Variants in MRPL44 observed in about 807,000 individuals in gnomAD.
MRPL44 encodes the protein large ribosomal subunit protein mL44.
In MRPL44, 21 loss-of-function variants were observed where a neutral mutation model predicts 25.9. That is an observed-to-expected ratio of 0.81 (90% CI 0.58 to 1.17). The LOEUF (loss-of-function observed/expected upper bound fraction) is 1.17, where lower values mean the gene tolerates loss of function less well. MRPL44 is among the 50% of genes most tolerant of loss of function. The pLI, the probability that MRPL44 is intolerant of heterozygous loss-of-function variation, is 0.00. For synonymous variants in MRPL44, 169 were observed against 151.0 expected (o/e 1.12, Z -0.87); for missense variants, 410 against 398.9 (o/e 1.03, Z -0.24).
chr2:223,967,083 T>C lies in MRPL44; in HGVS notation c.*49T>C. ...AACTTGAGAGCGAAAGTGAGATAAA[T>C]GTCAAAGGTGTTTCAAGCCAGACAT... On this transcript the variant is annotated 3_prime_UTR_variant, in exon 4 of 4. Transcript: ENST00000258383. The C allele has an allele frequency of 6.7e-7, 1 of 1,501,858 alleles. No individual in the cohort carries two copies. The highest frequency in any genetic ancestry group is 9.0e-7 in the Non-Finnish European group (1 of 1,114,236). The allele number at this position is 1,501,858 out of a possible 1,614,324, so 93.0% of individuals were successfully genotyped here.
the MRPL44 span, among the ~76,000 whole-genome samples, chr2:223,951,823 C>T: frequency 1.3e-5 from 2 of 152,120 alleles, no homozygotes; most frequent in South Asian, 2.1e-4. Context: ...CCGCCATCAC[C>T]TCCTCTGACT....
chr2:223,959,382 A>G (rs1325522635), intron 1 of MRPL44, 152 bp from the exon 2 acceptor site: 7 of 629,490 alleles, frequency 1.1e-5, no homozygotes, highest in Non-Finnish European at 1.9e-5. Context: ...CTTTAGTCTT[A>G]ACATTTAGAA....
chr2:223,965,433 G>A (rs1336249317), intron 3 of MRPL44, among the ~76,000 whole-genome samples: 1 of 152,150 alleles, frequency 6.6e-6, no homozygotes, highest in Non-Finnish European at 1.5e-5. Flanking sequence ...ATCTGACTTA[G>A]TAAATGCAGT....
chr2:223,951,943 TCTTAC>T, the MRPL44 span, among the ~76,000 whole-genome samples: 1 of 152,252 alleles, frequency 6.6e-6, no homozygotes, highest in African/African-American at 2.4e-5. Flanking sequence ...TGTAATAAGT[TCTTAC>T]CTTTAACATT....
intron 2 of MRPL44, 148 bp downstream of exon 2, chr2:223,960,150 T>C (rs1689635647): frequency 1.6e-6 from 1 of 620,728 alleles, no homozygotes; most frequent in Non-Finnish European, 2.8e-6. Flanking sequence ...GGAAGGGCTG[T>C]AATTATTCCA....
intron 2 of MRPL44, among the ~76,000 whole-genome samples, chr2:223,961,291 A>G (rs1184960700): frequency 6.6e-6 from 1 of 152,242 alleles, no homozygotes; most frequent in Non-Finnish European, 1.5e-5. Context: ...TGTTTTGGGA[A>G]GACAGTGTCA....
At position 223,959,933 on chromosome 2, in the gene MRPL44, G is replaced by C. The variant is rs1483493828; in HGVS notation, c.579G>C (p.Gln193His). ...EFPVPPAVLQ[Q>H]TFFAVIGALL... is the part of the protein sequence containing the mutation. ...CAGTGCCCCCAGCTGTGTTACAGCA[G>C]ACTTTCTTTGCAGTTATTGGAGCCC... Residue 193 changes from glutamine (Q) to histidine (H), a missense_variant, in exon 2 of 4, where the codon CAG (glutamine) becomes CAC (histidine). Gln to His is a conservative substitution (Grantham distance 24). Coordinates refer to ENST00000258383, the MANE Select transcript of MRPL44 (RefSeq NM_022915.5). The C allele has an allele frequency of 6.2e-7, 1 of 1,614,218 alleles. No homozygotes were observed. Among genetic ancestry groups the C allele is most frequent in the South Asian group, 1.1e-5 (1 of 91,086 alleles).
rs761239081 is a variant in MRPL44, at chr2:223,959,674, A to C, written c.320A>C (p.Gln107Pro). ...YIKSEEAKRQ[Q>P]LGIEKEAVLL... ...AAAAGTGAGGAGGCCAAACGCCAACAACTTGGGATAGAGAAAGAAGCTGTT... is the reference window on the plus strand; with the variant it reads ...AAAAGTGAGGAGGCCAAACGCCAACCACTTGGGATAGAGAAAGAAGCTGTT... Residue 107 changes from glutamine to proline, a missense_variant, in exon 2 of 4, where the codon CAA becomes CCA. By Grantham distance (76) the Gln-to-Pro change is moderately conservative. Transcript: ENST00000258383. 1 of 1,614,276 alleles carries C rather than the reference A, an allele frequency of 6.2e-7. No individual in the cohort carries two copies. Among genetic ancestry groups the C allele is most frequent in the South Asian group, 1.1e-5 (1 of 91,086 alleles).
upstream of MRPL44, among the ~76,000 whole-genome samples, chr2:223,954,999 T>G (rs908559082): frequency 6.6e-6 from 1 of 152,262 alleles, no homozygotes; most frequent in African/African-American, 2.4e-5. Context: ...CAATTAAATT[T>G]CTTGATCAAT....
rs1053361108 is a variant in MRPL44 at position 223,967,144 on chromosome 2, G to C, written c.*110G>C. The C allele has an allele frequency of 3.8e-6, 4 of 1,059,104 alleles. No individual in the cohort carries two copies. 65.6% of individuals were successfully genotyped at this position (1,059,104 alleles called of 1,614,324 possible). ...GTGAAGAAATAGATGTTTTGTTTCT[G>C]TTTTTTACTGTGTTCCCAAAATTAA... is the stretch of plus-strand genomic sequence containing the variant. On this transcript the variant is annotated 3_prime_UTR_variant, in exon 4 of 4. Transcript: ENST00000258383.
intron 2 of MRPL44, 34 bp downstream of exon 2, chr2:223,960,036 GAC>G (rs1233650721): frequency 1.4e-6 from 2 of 1,463,052 alleles, no homozygotes; most frequent in Admixed American, 2.1e-5. Flanking sequence ...GCTTGAGATA[GAC>G]AGAAGGGAAA....
In MRPL44 at chr2:223,957,565, GAA is replaced by G; in HGVS notation, c.94_95del (p.Lys32GlufsTer62). On this transcript the variant is annotated frameshift_variant, in exon 1 of 4. Coordinates refer to ENST00000258383, the MANE Select transcript of MRPL44 (RefSeq NM_022915.5). LOFTEE classifies it high-confidence loss of function. ...AGCTGGTCCCTCCGGTTCGGGGAGT[GAA>G]GAAGGGATTCCGCGCCGCCTTCCGC... The part of the protein sequence containing the change: ...PKLVPPVRGV[K>X]KGFRAAFRFQ... The G allele has an allele frequency of 6.2e-7, 1 of 1,613,970 alleles. No homozygotes were observed. The highest frequency in any genetic ancestry group is 8.5e-7 in the Non-Finnish European group (1 of 1,180,024).
intron 3 of MRPL44, among the ~76,000 whole-genome samples, chr2:223,965,338 ATAT>A (rs1256753929): frequency 3.9e-5 from 6 of 152,112 alleles, no homozygotes; most frequent in Non-Finnish European, 8.8e-5. Context: ...AATTTATTTC[ATAT>A]TGTTGTTGTT....
upstream of MRPL44, among the ~76,000 whole-genome samples, chr2:223,953,604 C>T (rs1344003402): frequency 6.6e-6 from 1 of 152,190 alleles, no homozygotes; most frequent in Non-Finnish European, 1.5e-5. Context: ...AAGAAGTCTA[C>T]AGTGATTTAT....
intron 3 of MRPL44, among the ~76,000 whole-genome samples, chr2:223,964,797 T>C (rs756574344): frequency 5.3e-5 from 8 of 152,226 alleles, no homozygotes; most frequent in Non-Finnish European, 1.0e-4. Flanking sequence ...TTGCCTTAGA[T>C]TTACAGGCAA....
At chr2:223,957,379 T>C (rs1321510451), upstream of MRPL44, 1 of 1,529,164 alleles carries the variant, frequency 6.5e-7, no homozygotes, top group Admixed American at 1.7e-5. Context: ...CAGCCTTCTC[T>C]TCGCGTTCCG....
rs548023128 is a variant in MRPL44, at chr2:223,967,079, T to G, written c.*45T>G. On this transcript the variant is annotated 3_prime_UTR_variant, in exon 4 of 4. Transcript: ENST00000258383. The stretch of plus-strand genomic sequence containing the variant: ...CTGAAACTTGAGAGCGAAAGTGAGA[T>G]AAATGTCAAAGGTGTTTCAAGCCAG... The G allele has an allele frequency of 1.3e-6, 2 of 1,534,144 alleles. No individual in the cohort carries two copies. Among genetic ancestry groups the G allele is most frequent in the African/African-American group, 1.4e-5 (1 of 72,438 alleles).
In MRPL44 at chr2:223,966,919, A is replaced by T; in HGVS notation, c.884A>T (p.Glu295Val). The T allele has an allele frequency of 6.2e-7, 1 of 1,614,194 alleles. No homozygotes were observed. Among genetic ancestry groups the T allele is most frequent in the South Asian group, 1.1e-5 (1 of 91,080 alleles). ...GAAACAGTATTGGTTGCAGAAGAAG[A>T]GGCTGCTCGAGTGGCCCTTAGAAAA... ...PGETVLVAEE[E>V]AARVALRKLY... The change falls in exon 4 of 4, where the codon GAG (glutamate) becomes GTG (valine). Residue 295 changes from glutamate (E) to valine (V), a missense_variant. By Grantham distance (121) the Glu-to-Val change is moderately radical. Transcript: ENST00000258383.
rs1689768059 is a variant in MRPL44, at chr2:223,967,711, T to G, written c.*677T>G. 1 of 152,206 alleles carries G rather than the reference T, an allele frequency of 6.6e-6. No homozygotes were observed. Among genetic ancestry groups the G allele is most frequent in the African/African-American group, 2.4e-5 (1 of 41,454 alleles). The allele number at this position is 152,206 out of a possible 1,614,324, so 9.4% of individuals were successfully genotyped here. ...CAATAAAGTTTTTTTTCTCCACATG[T>G]TAACATTGCATTTTAATTTGATATA... On this transcript the variant is annotated 3_prime_UTR_variant, in exon 4 of 4. Coordinates refer to ENST00000258383, the MANE Select transcript of MRPL44 (RefSeq NM_022915.5).
Sources: allele counts gnomAD v4.1 joint callset (sites outside exome capture counted in the v4.1 genomes callset), GRCh38; gene constraint gnomAD v4.1.1; transcripts MANE v1.5; gene names NCBI Gene and HGNC (gene_info 2026-07-23, HGNC 2026-07-21).